Variants in DROSHA observed in about 807,000 individuals in gnomAD.
DROSHA encodes drosha ribonuclease III.
DROSHA carries 56 observed loss-of-function variants against 181.9 expected under a neutral mutation model. The observed-to-expected ratio is 0.31, with a 90% CI of 0.25 to 0.38. The LOEUF (loss-of-function observed/expected upper bound fraction) is 0.38. DROSHA is among the 10% of genes least tolerant of loss of function. The pLI is 1.00. For synonymous variants in DROSHA, 524 were observed against 591.2 expected, an observed-to-expected ratio of 0.89 and a Z score of 1.65; for missense variants, 1,218 against 1,743.5, an observed-to-expected ratio of 0.70 and a Z score of 5.37.
chr5:31,410,985 C>A, intron 30 of DROSHA, 98 bp from the exon 31 acceptor site: 1 of 1,529,428 alleles, frequency 6.5e-7, no homozygotes, highest in Non-Finnish European at 8.8e-7. Flanking sequence ...CTGTCACTGA[C>A]AGGGACACCA....
intron 10 of DROSHA, among the ~76,000 whole-genome samples, chr5:31,506,760 T>C (rs910133231): frequency 6.6e-6 from 1 of 151,610 alleles, no homozygotes; most frequent in Non-Finnish European, 1.5e-5. Flanking sequence ...CTTGTTGTGA[T>C]GAAAAATATA....
intron 17 of DROSHA, among the ~76,000 whole-genome samples, chr5:31,471,405 A>G (rs1749705912): frequency 6.6e-6 from 1 of 152,166 alleles, no homozygotes; most frequent in Non-Finnish European, 1.5e-5. Context: ...AAAAATTGAT[A>G]TAAAGAAAAT....
intron 30 of DROSHA, among the ~76,000 whole-genome samples, chr5:31,417,587 A>G (rs563806863): frequency 9.2e-5 from 14 of 152,306 alleles, no homozygotes; most frequent in African/African-American, 3.1e-4. Context: ...TACAAGAAAA[A>G]GGAAAGGGAA....
At chr5:31,471,957 G>A in intron 17 of DROSHA, 106 bp downstream of exon 17, 2 of 1,085,094 alleles carry the variant, frequency 1.8e-6, no homozygotes, top group Non-Finnish European at 2.5e-6. Flanking sequence ...GACAAGAGCA[G>A]TGACTACCTA....
chr5:31,447,423 C>T (rs958474047), intron 23 of DROSHA, among the ~76,000 whole-genome samples: 1 of 152,170 alleles, frequency 6.6e-6, no homozygotes, highest in Non-Finnish European at 1.5e-5. Flanking sequence ...ACAGAATCAA[C>T]ATAATGCCTA....
Position 31,401,466 on chromosome 5 carries a change from C to T in DROSHA, c.4091G>A (p.Arg1364Lys). The change falls in exon 36 of 36, where the codon AGA becomes AAA. Residue 1364 changes from arginine (R) to lysine (K), a missense_variant. Arg to Lys is a conservative substitution (Grantham distance 26). This residue lies in a region of DROSHA where 32 missense variants were observed against 29.2 expected (regional missense o/e 1.09). Coordinates refer to ENST00000344624, the MANE Select transcript of DROSHA (RefSeq NM_001382508.1). ...GATGTCTTCAGTCTCATCTGGCTCT[C>T]TCTCTTGATGCTCTCTTTCCCACCT... The part of the protein sequence containing the change: ...EMRWEREHQE[R>K]EPDETEDIKK 6.2e-7 allele frequency: 1 copy of T among 1,613,266 alleles called. No homozygotes were observed. Among genetic ancestry groups the T allele is most frequent in the Non-Finnish European group, 8.5e-7 (1 of 1,179,416 alleles).
rs148241937 is a variant in DROSHA, at chr5:31,411,501, A to G, written c.3526-614T>C. Among the ~76,000 whole-genome samples, 1 of 152,270 alleles carries G rather than the reference A, an allele frequency of 6.6e-6. No homozygotes were observed. Among genetic ancestry groups the G allele is most frequent in the African/African-American group, 2.4e-5 (1 of 41,552 alleles). ...TTTCACGGCACTGATGCTAATTTTG[A>G]TATTATAGGACTTAAGTGAGGTTTA... On this transcript the variant is annotated intron_variant, in intron 30 of 35. Transcript: ENST00000344624. This position sits in a 1 kb window ranked among gnomAD's most constrained non-coding sequence, Gnocchi z 4.2.
intron 26 of DROSHA, among the ~76,000 whole-genome samples, chr5:31,431,127 T>C (rs576362742): frequency 1.3e-5 from 2 of 152,242 alleles, no homozygotes; most frequent in East Asian, 3.9e-4. Context: ...ACTCAAACCC[T>C]GGGTGGGGCT....
intron 20 of DROSHA, among the ~76,000 whole-genome samples, chr5:31,463,777 T>C (rs1299099520): frequency 1.3e-5 from 2 of 152,236 alleles, no homozygotes; most frequent in Non-Finnish European, 2.9e-5. Flanking sequence ...TATACACTGA[T>C]TCTGTTCATT....
At chr5:31,456,485 CACACACACAG>C (rs1747676382) in intron 20 of DROSHA, among the ~76,000 whole-genome samples, 1 of 151,560 alleles carries the variant, frequency 6.6e-6, no homozygotes, top group African/African-American at 2.4e-5. Flanking sequence ...CACACACACA[CACACACACAG>C]ACACACACAC....
intron 6 of DROSHA, 84 bp downstream of exon 6, chr5:31,521,039 C>G (rs1322367956): frequency 3.4e-5 from 46 of 1,360,486 alleles, no homozygotes; most frequent in Non-Finnish European, 4.8e-5. Flanking sequence ...ATTATGAAGA[C>G]TTGGCTGTTG....
At chr5:31,486,384 T>C in intron 14 of DROSHA, 107 bp downstream of exon 14, 1 of 1,053,890 alleles carries the variant, frequency 9.5e-7, no homozygotes, top group African/African-American at 1.6e-5. Flanking sequence ...ACTTTAGAGA[T>C]ATTCCTGGCA....
chr5:31,433,428 A>C (rs528748493), intron 25 of DROSHA, among the ~76,000 whole-genome samples: 17 of 152,334 alleles, frequency 1.1e-4, no homozygotes, highest in Middle Eastern at 6.8e-3. Flanking sequence ...AGCAGACCGC[A>C]AGCCATATTT....
At chr5:31,465,506 C>CT (rs1748898789) in intron 19 of DROSHA, among the ~76,000 whole-genome samples, 1 of 152,124 alleles carries the variant, frequency 6.6e-6, no homozygotes, top group Non-Finnish European at 1.5e-5. Flanking sequence ...CAAATTTAAG[C>CT]TTTAATATCT....
At chr5:31,404,590 C>G (rs1315567072) in intron 35 of DROSHA, among the ~76,000 whole-genome samples, 1 of 152,160 alleles carries the variant, frequency 6.6e-6, no homozygotes, top group Non-Finnish European at 1.5e-5. Context: ...AATAGAATTG[C>G]ACTGTCATGT....
At chr5:31,476,028 T>C (rs1285558849) in intron 16 of DROSHA, among the ~76,000 whole-genome samples, 1 of 152,176 alleles carries the variant, frequency 6.6e-6, no homozygotes, top group Non-Finnish European at 1.5e-5. Context: ...AAATGATTAG[T>C]ATAGATACTG....
chr5:31,475,912 T>G (rs1750307621), intron 16 of DROSHA, among the ~76,000 whole-genome samples: 1 of 152,140 alleles, frequency 6.6e-6, no homozygotes, highest in African/African-American at 2.4e-5. Context: ...GGAAATGGAC[T>G]GGGGAGAGCA....
chr5:31,530,371 C>G (rs773931047), intron 3 of DROSHA, among the ~76,000 whole-genome samples: 1 of 152,004 alleles, frequency 6.6e-6, no homozygotes, highest in African/African-American at 2.4e-5. Context: ...TACTCACTGC[C>G]AACAGAATCA....
At chr5:31,484,215 C>CA (rs1345944308) in intron 15 of DROSHA, among the ~76,000 whole-genome samples, 17 of 150,300 alleles carry the variant, frequency 1.1e-4, no homozygotes, top group African/African-American at 3.4e-4. Context: ...ACTAAAAATA[C>CA]AAAAAAAAAT....
Sources: gnomAD v4.1 joint callset for allele counts (sites outside exome capture counted in the v4.1 genomes callset) on GRCh38, gnomAD v4.1.1 for gene constraint, gnomAD v4.1.1 regional missense constraint, Gnocchi (gnomAD v3.1) non-coding constraint, MANE v1.5 for transcripts, NCBI Gene and HGNC (gene_info 2026-07-23, HGNC 2026-07-21) for gene names.